Variants in DNAJC13 observed in about 807,000 individuals in gnomAD.
DNAJC13 encodes the protein dnaJ homolog subfamily C member 13.
In DNAJC13, 75 loss-of-function variants were observed where a neutral mutation model predicts 290.5. The observed-to-expected ratio is 0.26, with a 90% CI of 0.21 to 0.31. DNAJC13 has a LOEUF of 0.31. Among genes scored for constraint, DNAJC13 ranks in the 10% least tolerant of loss-of-function variants. The pLI is 1.00. For synonymous variants in DNAJC13, 862 were observed against 892.0 expected (o/e 0.97, Z 0.60); for missense variants, 2,260 against 2,674.5 (o/e 0.85, Z 3.42).
chr3:132,434,426 T>A (rs1432010238), intron 1 of DNAJC13, 112 bp from the exon 2 acceptor site: 1 of 653,328 alleles, frequency 1.5e-6, no homozygotes, highest in Non-Finnish European at 2.6e-6. Context: ...GTAAAGGATA[T>A]ACGGCAGGCT....
chr3:132,505,334 T>G lies in DNAJC13; in HGVS notation c.4917T>G (p.Ser1639Arg). 1 of 1,610,520 alleles carries G rather than the reference T, an allele frequency of 6.2e-7. No homozygotes were observed. The highest frequency in any genetic ancestry group is 8.5e-7 in the Non-Finnish European group (1 of 1,178,118). ...ILKMLNSNTE[S>R]PYLIWNNSTR... ...AGATGCTTAACAGCAACACAGAAAG[T>G]CCATATTTGATATGGAACAATTCTA... is the stretch of plus-strand genomic sequence containing the variant. The change falls in exon 42 of 56, where the codon AGT (serine) becomes AGG (arginine). Residue 1639 changes from serine (S) to arginine (R), a missense_variant. Ser to Arg is a moderately radical substitution (Grantham distance 110). Around this residue, in one of 3 missense-constraint regions of DNAJC13, gnomAD observed 1,494 missense variants for 1,693.7 expected, o/e 0.88. Coordinates refer to ENST00000260818, the MANE Select transcript of DNAJC13 (RefSeq NM_015268.4).
chr3:132,484,790 CA>C, intron 29 of DNAJC13, 118 bp downstream of exon 29: 1 of 930,858 alleles, frequency 1.1e-6, no homozygotes, highest in Non-Finnish European at 1.7e-6. Flanking sequence ...CTAAATAGGC[CA>C]GGTGTGGAGT....
At chr3:132,459,049 A>G (rs936125802) in intron 13 of DNAJC13, among the ~76,000 whole-genome samples, 3 of 152,156 alleles carry the variant, frequency 2.0e-5, no homozygotes, top group Non-Finnish European at 2.9e-5. Flanking sequence ...GTACTATTCT[A>G]TGAATTTTTC....
At chr3:132,522,315 C>A (rs1315755900) in intron 48 of DNAJC13, among the ~76,000 whole-genome samples, 2 of 152,090 alleles carry the variant, frequency 1.3e-5, no homozygotes, top group Non-Finnish European at 2.9e-5. Context: ...TTTTTAAAAG[C>A]TGCTTTTTAA....
At chr3:132,483,164 G>A (rs1238847691) in intron 27 of DNAJC13, among the ~76,000 whole-genome samples, 2 of 151,932 alleles carry the variant, frequency 1.3e-5, no homozygotes, top group Non-Finnish European at 2.9e-5. Context: ...TTTATGCTCT[G>A]CAGGCTGGCC....
Position 132,469,552 on chromosome 3 carries a change from A to C in DNAJC13, c.2208+2239A>C, listed in dbSNP as rs1934112663. 1.3e-5 allele frequency among the ~76,000 whole-genome samples: 2 copies of C among 152,154 alleles called. 1 individual carries two copies. The highest frequency in any genetic ancestry group is 1.3e-4 in the Admixed American group (2 of 15,276). On this transcript the variant is annotated intron_variant, in intron 20 of 55. Transcript: ENST00000260818. ...TTTTCTGTATAGCATTTACATTTTT[A>C]TTACTCTGGACTGCCAGCCTTTTGT...
Position 132,457,272 on chromosome 3 carries a change from T to C in DNAJC13, c.1353T>C (p.Phe451=). Residue 451 remains phenylalanine, a synonymous_variant, in exon 13 of 56, where the codon TTT becomes TTC. Transcript: ENST00000260818. ...TGCTTGTTTTTTGTTCCAAAAGGTT[T>C]CGCGAGCGTCTAGGGGTGAAGGTAG... The part of the protein sequence containing the change: ...GFLAFTQLPK[F]RERLGVKVVK... 1 of 1,598,134 alleles carries C rather than the reference T, an allele frequency of 6.3e-7. No individual in the cohort carries two copies. The highest frequency in any genetic ancestry group is 8.5e-7 in the Non-Finnish European group (1 of 1,175,202).
chr3:132,419,079 G>T (rs1938881195), intron 1 of DNAJC13, among the ~76,000 whole-genome samples: 1 of 152,110 alleles, frequency 6.6e-6, no homozygotes, highest in South Asian at 2.1e-4. Context: ...CTCAGACTTG[G>T]CTTGTGCTGT....
chr3:132,474,496 T>G (rs1934396789), intron 21 of DNAJC13: 1 of 152,370 alleles, frequency 6.6e-6, no homozygotes. Context: ...TGCCTCGGCC[T>G]CCCAAAGTGC....
intron 20 of DNAJC13, among the ~76,000 whole-genome samples, chr3:132,469,960 ATTCTTTTTTTTT>A (rs1559883094): frequency 6.8e-5 from 2 of 29,266 alleles, no homozygotes; most frequent in East Asian, 2.7e-3. Flanking sequence ...TGGAGCAGAG[ATTCTTTTTTTTT>A]TTTTTTTTTT....
chr3:132,423,954 T>C (rs1324402133), intron 1 of DNAJC13, among the ~76,000 whole-genome samples: 1 of 152,202 alleles, frequency 6.6e-6, no homozygotes, highest in African/African-American at 2.4e-5. Flanking sequence ...TAGAGCATGA[T>C]TATTAAGTGC....
chr3:132,523,819 GCT>G (rs1205186724), intron 51 of DNAJC13, 106 bp downstream of exon 51: 2 of 1,152,278 alleles, frequency 1.7e-6, no homozygotes, highest in Admixed American at 5.5e-5. Flanking sequence ...GAATTGGCCA[GCT>G]CTTTCAATAT....
chr3:132,521,126 C>T (rs1936076369), intron 48 of DNAJC13, among the ~76,000 whole-genome samples: 1 of 151,990 alleles, frequency 6.6e-6, no homozygotes, highest in South Asian at 2.1e-4. Context: ...CAGTCATGTA[C>T]AGTGACTCAT....
chr3:132,462,882 G>C (rs1407721931), intron 16 of DNAJC13, among the ~76,000 whole-genome samples: 1 of 152,168 alleles, frequency 6.6e-6, no homozygotes, highest in East Asian at 1.9e-4. Context: ...GATGGAGTTA[G>C]TTCATACCAA....
chr3:132,499,846 AGTTCAATG>A, intron 38 of DNAJC13, 38 bp downstream of exon 38: 1 of 1,567,622 alleles, frequency 6.4e-7, no homozygotes, highest in Non-Finnish European at 8.8e-7. Flanking sequence ...AAATTGCACT[AGTTCAATG>A]GTTCAGACTT....
intron 45 of DNAJC13, among the ~76,000 whole-genome samples, chr3:132,513,424 G>A (rs1935835582): frequency 6.6e-6 from 1 of 152,184 alleles, no homozygotes. Context: ...GAAGATGATA[G>A]AGGGTTTCTG....
At chr3:132,537,397 C>G in intron 55 of DNAJC13, 1 of 356,714 alleles carries the variant, frequency 2.8e-6, no homozygotes, top group South Asian at 2.1e-5. Flanking sequence ...CAGTATTATG[C>G]TACAGTGTCC....
Position 132,516,754 on chromosome 3 carries a change from G to A in DNAJC13, c.5611G>A (p.Val1871Ile). ...DMFCNSTHPQ[V>I]RAQTAELFAK... Reference sequence around the variant, plus strand: ...GTTCTGCAATTCAACACATCCACAGGTTCGAGCCCAAACAGCAGAACTTTT... The same window carrying A: ...GTTCTGCAATTCAACACATCCACAGATTCGAGCCCAAACAGCAGAACTTTT... Residue 1871 changes from valine (V) to isoleucine (I), a missense_variant, in exon 48 of 56, where the codon GTT (valine) becomes ATT (isoleucine). By Grantham distance (29) the Val-to-Ile change is conservative (BLOSUM62 3). Coordinates refer to ENST00000260818, the MANE Select transcript of DNAJC13 (RefSeq NM_015268.4). 6.2e-7 allele frequency: 1 copy of A among 1,613,544 alleles called. No individual in the cohort carries two copies. The highest frequency in any genetic ancestry group is 8.5e-7 in the Non-Finnish European group (1 of 1,179,668).
At chr3:132,462,074 G>A (rs1933816161) in intron 15 of DNAJC13, among the ~76,000 whole-genome samples, 2 of 152,122 alleles carry the variant, frequency 1.3e-5, no homozygotes, top group African/African-American at 2.4e-5. Flanking sequence ...ATGATAAAAT[G>A]AGCTTTAGCA....
Sources: allele counts gnomAD v4.1 joint callset (sites outside exome capture counted in the v4.1 genomes callset), GRCh38; gene constraint gnomAD v4.1.1; regional missense constraint gnomAD v4.1.1; transcripts MANE v1.5; gene names NCBI Gene and HGNC (gene_info 2026-07-23, HGNC 2026-07-21).